Variants in CD99L2 observed in about 807,000 individuals in gnomAD.
The protein encoded by CD99L2 is CD99 molecule like 2.
Under a neutral mutation model 27.3 loss-of-function variants are expected in CD99L2, and 24 were observed. That is an observed-to-expected ratio of 0.88 (90% CI 0.64 to 1.24). CD99L2 has a LOEUF of 1.24. Ranked by LOEUF, CD99L2 falls within the 50% of genes most tolerant of loss-of-function variation. The probability of loss-of-function intolerance (pLI) is 0.00; values close to 1 mark genes in which losing one functional copy is unlikely to be tolerated. For missense variants in CD99L2, 255 were observed against 221.6 expected, an observed-to-expected ratio of 1.15 and a Z score of -0.96; for synonymous variants, 97 against 87.9, an observed-to-expected ratio of 1.10 and a Z score of -0.58.
intron 1 of CD99L2, among the ~76,000 whole-genome samples, chrX:150,890,257 T>A (rs1387114323): frequency 9.0e-6 from 1 of 110,979 alleles, no homozygotes; most frequent in Non-Finnish European, 1.9e-5. Flanking sequence ...GACAGGTGGA[T>A]CACCTGAGGT....
intron 6 of CD99L2, 97 bp downstream of exon 6, chrX:150,795,109 T>C: frequency 3.1e-6 from 3 of 969,949 alleles, no homozygotes; most frequent in Middle Eastern, 3.8e-4. Context: ...GGTTCTCCAG[T>C]GGCTTGAAGT....
chrX:150,778,681 A>ATATATAT (rs1557419360), intron 7 of CD99L2, among the ~76,000 whole-genome samples: 5 of 24,127 alleles, frequency 2.1e-4, no homozygotes, highest in African/African-American at 4.5e-4. Flanking sequence ...AATAAAAAAA[A>ATATATAT]AAAAATATAT....
At chrX:150,879,750 T>TTAA (rs1557422434) in intron 1 of CD99L2, among the ~76,000 whole-genome samples, 2,805 of 19,362 alleles carry the variant, frequency 0.14, 116 homozygotes, top group South Asian at 0.24. Context: ...CTACAAAAAC[T>TTAA]AAAAAAAAAA....
chrX:150,808,162 G>A (rs782151680), intron 4 of CD99L2, among the ~76,000 whole-genome samples: 1 of 112,471 alleles, frequency 8.9e-6, no homozygotes, highest in Non-Finnish European at 1.9e-5. Context: ...CCTGCCTGCT[G>A]TAGCACCACA....
intron 4 of CD99L2, among the ~76,000 whole-genome samples, chrX:150,802,851 G>A (rs1196954086): frequency 5.2e-5 from 5 of 95,764 alleles, no homozygotes; most frequent in Non-Finnish European, 8.2e-5. Context: ...AAAGTGCTGG[G>A]ATTACAGGCG....
At chrX:150,882,996 A>AC (rs369753883) in intron 1 of CD99L2, among the ~76,000 whole-genome samples, 1,332 of 111,017 alleles carry the variant, frequency 0.012, 12 homozygotes, top group African/African-American at 0.023. Context: ...ACATGGCGAA[A>AC]CCCGTCCCTA....
intron 1 of CD99L2, among the ~76,000 whole-genome samples, chrX:150,867,043 C>CA (rs781937510): frequency 1.6e-3 from 174 of 111,351 alleles, no homozygotes; most frequent in African/African-American, 5.0e-3. Flanking sequence ...TCCAAATGTG[C>CA]AAAAACTTTC....
At chrX:150,857,621 TG>T (rs1366301112) in intron 1 of CD99L2, among the ~76,000 whole-genome samples, 9 of 111,460 alleles carry the variant, frequency 8.1e-5, no homozygotes, top group Admixed American at 7.6e-4. Flanking sequence ...GTCCTAAACC[TG>T]AAAGTGAAAG....
intron 4 of CD99L2, among the ~76,000 whole-genome samples, chrX:150,796,850 AG>A (rs2045804985): frequency 8.9e-6 from 1 of 112,541 alleles, no homozygotes. Flanking sequence ...ACAGAAAACA[AG>A]AAAATCTCTA....
chrX:150,789,821 G>A (rs782735921), intron 7 of CD99L2, among the ~76,000 whole-genome samples: 2 of 112,114 alleles, frequency 1.8e-5, no homozygotes, highest in Non-Finnish European at 3.8e-5. Context: ...GGAGGTCAAT[G>A]CTTCAGTGAA....
chrX:150,833,706 A>G (rs2046480925), intron 1 of CD99L2, among the ~76,000 whole-genome samples: 1 of 112,339 alleles, frequency 8.9e-6, no homozygotes, highest in Non-Finnish European at 1.9e-5. Context: ...TAAATGATGT[A>G]GAGAAACTGG....
At chrX:150,846,476 TAAC>T (rs2046705837) in intron 1 of CD99L2, among the ~76,000 whole-genome samples, 1 of 111,604 alleles carries the variant, frequency 9.0e-6, no homozygotes, top group Non-Finnish European at 1.9e-5. Flanking sequence ...AAAATGGAGA[TAAC>T]AAGAGACCCT....
At chrX:150,894,474 C>T (rs1227905724) in intron 1 of CD99L2, among the ~76,000 whole-genome samples, 1 of 111,929 alleles carries the variant, frequency 8.9e-6, no homozygotes, top group South Asian at 3.7e-4. Flanking sequence ...CGCTTTAAAG[C>T]CTACACTCCA....
intron 10 of CD99L2, among the ~76,000 whole-genome samples, chrX:150,769,681 GCCAC>G (rs2043390938): frequency 1.2e-5 from 1 of 86,625 alleles, no homozygotes; most frequent in Admixed American, 1.5e-4. Flanking sequence ...CCCTGCCTGC[GCCAC>G]CAGGCCTCGG....
intron 7 of CD99L2, 99 bp from the exon 8 acceptor site, chrX:150,777,581 C>G: frequency 2.3e-6 from 2 of 888,077 alleles, no homozygotes; most frequent in Non-Finnish European, 3.2e-6. Context: ...CCTTCCAATC[C>G]CACCTATGCG....
intron 1 of CD99L2, among the ~76,000 whole-genome samples, chrX:150,879,744 A>G (rs1192440337): frequency 1.1e-5 from 1 of 87,645 alleles, no homozygotes; most frequent in African/African-American, 4.5e-5. Flanking sequence ...CTGTCTCTAC[A>G]AAAACTAAAA....
At chrX:150,786,510 T>C (rs6653500) in intron 7 of CD99L2, among the ~76,000 whole-genome samples, 7,648 of 111,244 alleles carry the variant, frequency 0.069, 585 homozygotes, top group African/African-American at 0.22. Context: ...TTGCTTAGGA[T>C]AATGGCCTCC....
At chrX:150,854,902 C>T (rs1007897559) in intron 1 of CD99L2, among the ~76,000 whole-genome samples, 2 of 110,313 alleles carry the variant, frequency 1.8e-5, no homozygotes, top group South Asian at 3.9e-4. Flanking sequence ...CTGCCTGCTG[C>T]CCCCCCTCCC....
At chrX:150,824,680 A>G (rs868922371) in intron 2 of CD99L2, among the ~76,000 whole-genome samples, 23 of 88,262 alleles carry the variant, frequency 2.6e-4, no homozygotes, top group South Asian at 1.3e-3. Context: ...AAGAGGAAGA[A>G]GAAGAAGAGG....
Sources: allele counts gnomAD v4.1 joint callset (sites outside exome capture counted in the v4.1 genomes callset), GRCh38; gene constraint gnomAD v4.1.1; transcripts MANE v1.5; gene names NCBI Gene and HGNC (gene_info 2026-07-23, HGNC 2026-07-21).